The following ARHGEF7 variants were observed in gnomAD, a reference collection of about 807,000 sequenced individuals.
The protein encoded by ARHGEF7 is PAK-interacting exchange factor beta.
A neutral mutation model predicts 109.8 loss-of-function variants in ARHGEF7; 33 were observed. The ratio of observed to expected loss-of-function variants is 0.30; its 90% confidence interval spans 0.23 to 0.40. ARHGEF7 has a LOEUF of 0.40. Ranked by LOEUF, ARHGEF7 falls within the 10% of genes least tolerant of loss-of-function variation. The pLI is 1.00. For synonymous variants in ARHGEF7, 458 were observed against 424.6 expected (o/e 1.08, Z -0.97); for missense variants, 938 against 1,098.5 (o/e 0.85, Z 2.07).
intron 1 of ARHGEF7, among the ~76,000 whole-genome samples, chr13:111,152,517 G>GA (rs1325060813): frequency 6.6e-6 from 1 of 152,096 alleles, no homozygotes; most frequent in Non-Finnish European, 1.5e-5. Flanking sequence ...ACTATAGAAA[G>GA]AAAAAAGCTT....
chr13:111,272,995 C>T lies in ARHGEF7; in HGVS notation c.1074-819C>T, dbSNP rs1315704190. 6.6e-6 allele frequency among the ~76,000 whole-genome samples: 1 copy of T among 151,958 alleles called. No homozygotes were observed. The highest frequency in any genetic ancestry group is 1.5e-5 in the Non-Finnish European group (1 of 67,992). ...AGGACCCACTGTAGGGAAAGATAGG[C>T]GAGGCACTGTGAAGGGGATGGTTGA... On this transcript the variant is annotated intron_variant, in intron 9 of 21. Coordinates refer to ENST00000646102, the MANE Select transcript of ARHGEF7 (RefSeq NM_001354046.2). This position sits in a 1 kb window ranked among gnomAD's most constrained non-coding sequence, Gnocchi z 5.2.
intron 6 of ARHGEF7, among the ~76,000 whole-genome samples, chr13:111,241,648 T>C (rs185210186): frequency 2.0e-4 from 30 of 152,316 alleles, no homozygotes; most frequent in Non-Finnish European, 5.9e-5. Context: ...AACCAGCGCT[T>C]AGTGCTGTGA....
intron 1 of ARHGEF7, among the ~76,000 whole-genome samples, chr13:111,149,369 G>T (rs2075778373): frequency 6.6e-6 from 1 of 151,866 alleles, no homozygotes; most frequent in Non-Finnish European, 1.5e-5. Context: ...CATAATAGTT[G>T]TGTTAACTCA....
intron 2 of ARHGEF7, among the ~76,000 whole-genome samples, chr13:111,166,892 G>T (rs1401324643): frequency 2.6e-5 from 4 of 152,192 alleles, no homozygotes; most frequent in Admixed American, 2.6e-4. Flanking sequence ...TCATGTGGAA[G>T]AGTGTCTTAA....
intron 2 of ARHGEF7, among the ~76,000 whole-genome samples, chr13:111,175,194 T>C (rs2078017013): frequency 6.6e-6 from 1 of 152,210 alleles, no homozygotes; most frequent in African/African-American, 2.4e-5. Context: ...ATGGGATAAT[T>C]CAGCAGCTGT....
Position 111,304,846 on chromosome 13 carries a change from A to G in ARHGEF7, c.*1733A>G, listed in dbSNP as rs906748597. 6.6e-6 allele frequency: 1 copy of G among 152,278 alleles called. No homozygotes were observed. Among genetic ancestry groups the G allele is most frequent in the African/African-American group, 2.4e-5 (1 of 41,476 alleles). 9.4% of individuals were successfully genotyped at this position (152,278 alleles called of 1,614,324 possible). On this transcript the variant is annotated 3_prime_UTR_variant, in exon 22 of 22. Coordinates refer to ENST00000646102, the MANE Select transcript of ARHGEF7 (RefSeq NM_001354046.2). ...TTCACTCATGCGGGCACAAGCAAAG[A>G]TCAACACTTTCTTTTTTGGTAAGCT...
intron 2 of ARHGEF7, among the ~76,000 whole-genome samples, chr13:111,173,583 G>A (rs1049960956): frequency 1.3e-5 from 2 of 152,266 alleles, no homozygotes; most frequent in Non-Finnish European, 2.9e-5. Flanking sequence ...CTGATTGGAA[G>A]CCTGTGAAAT....
At chr13:111,222,532 C>T (rs919234485) in intron 5 of ARHGEF7, among the ~76,000 whole-genome samples, 3 of 152,146 alleles carry the variant, frequency 2.0e-5, no homozygotes, top group Admixed American at 6.5e-5. Context: ...TGGGTTCAAG[C>T]GATTCTCCTG....
intron 2 of ARHGEF7, among the ~76,000 whole-genome samples, chr13:111,162,349 G>A (rs560053266): frequency 1.3e-4 from 20 of 152,304 alleles, no homozygotes; most frequent in African/African-American, 4.8e-4. Flanking sequence ...TTTTGAAAGA[G>A]GATGTGAAAG....
chr13:111,252,898 C>T (rs1301780148), intron 8 of ARHGEF7, among the ~76,000 whole-genome samples: 2 of 152,224 alleles, frequency 1.3e-5, no homozygotes, highest in Non-Finnish European at 1.5e-5. Flanking sequence ...TTCATAGTTC[C>T]ACCTCTTTCA....
chr13:111,152,302 T>G (rs1435804646), intron 1 of ARHGEF7, among the ~76,000 whole-genome samples: 1 of 152,212 alleles, frequency 6.6e-6, no homozygotes, highest in East Asian at 1.9e-4. Flanking sequence ...TTTAAAAATG[T>G]CATCAGAATG....
Position 111,153,932 on chromosome 13 carries a change from G to A in ARHGEF7, c.193G>A (p.Glu65Lys), listed in dbSNP as rs1333561198. 6.2e-7 allele frequency: 1 copy of A among 1,605,650 alleles called. No homozygotes were observed. The highest frequency in any genetic ancestry group is 1.1e-5 in the South Asian group (1 of 90,470). ...CTACCCCGAGCCCCGGAGCGAGAGC[G>A]AGTGCCTGAGCAACATCCGCGAGTT... is the stretch of plus-strand genomic sequence containing the variant. ...KVYPEPRSESECLSNIREFLR... is the reference protein window; with the variant it reads ...KVYPEPRSESKCLSNIREFLR... Residue 65 changes from glutamate (E) to lysine (K), a missense_variant, in exon 2 of 22, where the codon GAG becomes AAG. Glu to Lys is a moderately conservative substitution (Grantham distance 56). This residue lies in a region of ARHGEF7 where 165 missense variants were observed against 125.8 expected (regional missense o/e 1.31). Coordinates refer to ENST00000646102, the MANE Select transcript of ARHGEF7 (RefSeq NM_001354046.2).
In ARHGEF7 at chr13:111,221,260, TAG is replaced by T. The variant is rs1168032246; in HGVS notation, c.670+3382_670+3383del. On this transcript the variant is annotated intron_variant, in intron 5 of 21. Transcript: ENST00000646102. ...ATATATATGTCTATATATATCTATATAGATATATATGTCTATATATATCTATA... is the reference window on the plus strand; with the variant it reads ...ATATATATGTCTATATATATCTATATATATATATGTCTATATATATCTATA... Among the ~76,000 whole-genome samples the T allele has an allele frequency of 2.0e-4, 11 of 54,284 alleles. 2 individuals are homozygous for T. The highest frequency in any genetic ancestry group is 9.5e-4 in the African/African-American group (11 of 11,596). The allele number at this position is 54,284 out of a possible 152,430, so 35.6% of individuals were successfully genotyped here.
intron 1 of ARHGEF7, among the ~76,000 whole-genome samples, chr13:111,147,467 T>G (rs1473096868): frequency 6.6e-6 from 1 of 152,220 alleles, no homozygotes; most frequent in East Asian, 1.9e-4. Flanking sequence ...ACGTGCTCAC[T>G]GACCATTCGT....
intron 19 of ARHGEF7, chr13:111,292,797 T>C (rs1424412103): frequency 1.0e-6 from 1 of 994,854 alleles, no homozygotes; most frequent in Non-Finnish European, 1.2e-6. Flanking sequence ...TGTGGAGAGA[T>C]GAGAAGAATA....
chr13:111,178,634 C>T (rs567090049), intron 2 of ARHGEF7, among the ~76,000 whole-genome samples: 1 of 152,320 alleles, frequency 6.6e-6, no homozygotes, highest in African/African-American at 2.4e-5. Flanking sequence ...TTAGCGCTGT[C>T]CAGCTGGGCA....
intron 6 of ARHGEF7, among the ~76,000 whole-genome samples, chr13:111,238,686 G>A (rs1467987105): frequency 6.6e-6 from 1 of 152,072 alleles, no homozygotes; most frequent in Non-Finnish European, 1.5e-5. Flanking sequence ...ATCAAAGGAA[G>A]GGGTTGGATG....
At chr13:111,290,590 ACCAG>A (rs2093238702) in intron 18 of ARHGEF7, among the ~76,000 whole-genome samples, 1 of 152,184 alleles carries the variant, frequency 6.6e-6, no homozygotes, top group South Asian at 2.1e-4. Context: ...TTTCTTCATG[ACCAG>A]GGTCCTGTGA....
chr13:111,297,272 A>G (rs2093448449), intron 19 of ARHGEF7, among the ~76,000 whole-genome samples: 1 of 152,226 alleles, frequency 6.6e-6, no homozygotes, highest in Non-Finnish European at 1.5e-5. Flanking sequence ...AATAATCCTC[A>G]TTTACAAGCT....
Sources: allele counts gnomAD v4.1 joint callset (sites outside exome capture counted in the v4.1 genomes callset), GRCh38; gene constraint gnomAD v4.1.1; regional missense constraint gnomAD v4.1.1; non-coding constraint Gnocchi (gnomAD v3.1); transcripts MANE v1.5; gene names NCBI Gene and HGNC (gene_info 2026-07-23, HGNC 2026-07-21).